The following PREX1 variants were observed in gnomAD, a reference collection of about 807,000 sequenced individuals.
PREX1 encodes phosphatidylinositol 3,4,5-trisphosphate-dependent Rac exchanger 1 protein.
Under a neutral mutation model 198.3 loss-of-function variants are expected in PREX1, and 41 were observed. The ratio of observed to expected loss-of-function variants is 0.21; its 90% CI spans 0.16 to 0.27. The LOEUF (loss-of-function observed/expected upper bound fraction) is 0.27. Ranked by LOEUF, PREX1 falls within the 10% of genes least tolerant of loss-of-function variation. The pLI is 1.00. For missense variants in PREX1, 1,620 were observed against 2,200.7 expected (o/e 0.74, Z 5.28); for synonymous variants, 843 against 887.2 (o/e 0.95, Z 0.89).
intron 17 of PREX1, among the ~76,000 whole-genome samples, chr20:48,657,488 T>C (rs535895310): frequency 1.3e-5 from 2 of 152,336 alleles, no homozygotes; most frequent in South Asian, 4.1e-4. Flanking sequence ...GGGGTGGCCA[T>C]CTTATGTCTG....
At chr20:48,869,319 G>A in the PREX1 span, among the ~76,000 whole-genome samples, 7 of 140,666 alleles carry the variant, frequency 5.0e-5, no homozygotes, top group Non-Finnish European at 7.6e-5. Context: ...TTTTTTTTTA[G>A]ACGGGGTCTC....
the PREX1 span, among the ~76,000 whole-genome samples, chr20:48,882,590 T>C: frequency 1.3e-5 from 2 of 149,860 alleles, no homozygotes; most frequent in African/African-American, 4.9e-5. Flanking sequence ...CTCTGGGGTA[T>C]ATATACCTAG....
At chr20:48,639,997 ATCC>A in intron 29 of PREX1, 103 bp from the exon 30 acceptor site, 2 of 1,434,042 alleles carry the variant, frequency 1.4e-6, no homozygotes, top group Non-Finnish European at 1.9e-6. Flanking sequence ...AGAGCTCATA[ATCC>A]TAGATCAAGG....
chr20:48,735,219 G>A (rs898667898), intron 3 of PREX1, among the ~76,000 whole-genome samples: 2 of 152,180 alleles, frequency 1.3e-5, no homozygotes, highest in African/African-American at 4.8e-5. Flanking sequence ...CTTGGTTCCA[G>A]ATGGTTCACA....
chr20:48,750,842 G>C (rs2090131078), intron 1 of PREX1, among the ~76,000 whole-genome samples: 1 of 152,212 alleles, frequency 6.6e-6, no homozygotes, highest in Non-Finnish European at 1.5e-5. Context: ...TCCAACATCA[G>C]AGGCCAGGTT....
At chr20:48,670,575 G>C (rs1004595432) in intron 14 of PREX1, among the ~76,000 whole-genome samples, 3 of 152,204 alleles carry the variant, frequency 2.0e-5, no homozygotes, top group African/African-American at 7.2e-5. Context: ...GAGGTGAAGA[G>C]AGCAAACTCC....
chr20:48,810,622 C>A (rs1249728282), intron 1 of PREX1, among the ~76,000 whole-genome samples: 2 of 145,962 alleles, frequency 1.4e-5, no homozygotes, highest in Non-Finnish European at 3.0e-5. Flanking sequence ...CACGGTGGCT[C>A]ACTCTTGTAA....
chr20:48,826,903 T>C (rs914728619), intron 1 of PREX1, among the ~76,000 whole-genome samples: 6 of 152,218 alleles, frequency 3.9e-5, no homozygotes, highest in Non-Finnish European at 8.8e-5. Flanking sequence ...TACTCGTCCC[T>C]ACTTCATAGA....
rs73911639 is a variant in PREX1 at position 48,700,449 on chromosome 20, T to A, written c.917+304A>T. Among the ~76,000 whole-genome samples the A allele has an allele frequency of 2.0e-3, 299 of 152,364 alleles. 1 individual carries two copies. The highest frequency in any genetic ancestry group is 6.4e-3 in the African/African-American group (265 of 41,594). ...CAAAATATCTCTTTAATAATTTTTT[T>A]AAATAATAATTACATGTATAATTAT... On this transcript the variant is annotated intron_variant, in intron 7 of 39. Coordinates refer to ENST00000371941, the MANE Select transcript of PREX1 (RefSeq NM_020820.4).
At chr20:48,715,071 C>T (rs1003700236) in intron 5 of PREX1, among the ~76,000 whole-genome samples, 2 of 152,190 alleles carry the variant, frequency 1.3e-5, no homozygotes, top group Non-Finnish European at 2.9e-5. Context: ...TCAAAGGAGA[C>T]ATACTATGGT....
the PREX1 span, among the ~76,000 whole-genome samples, chr20:48,859,285 A>G: frequency 3.9e-5 from 6 of 152,232 alleles, no homozygotes; most frequent in African/African-American, 1.4e-4. Context: ...ATTCCTGTGA[A>G]TTTTAACAGG....
chr20:48,776,350 C>T (rs984782985), intron 1 of PREX1, among the ~76,000 whole-genome samples: 1 of 152,336 alleles, frequency 6.6e-6, no homozygotes, highest in East Asian at 1.9e-4. Context: ...CCCCGCCCCC[C>T]TCAGACAGCC....
At chr20:48,664,590 C>A (rs1002267498) in intron 15 of PREX1, among the ~76,000 whole-genome samples, 1 of 152,142 alleles carries the variant, frequency 6.6e-6, no homozygotes, top group Admixed American at 6.5e-5. Context: ...GAAAATGGCA[C>A]CTTGGCGGGG....
At chr20:48,818,512 C>G (rs949115476) in intron 1 of PREX1, among the ~76,000 whole-genome samples, 1 of 152,190 alleles carries the variant, frequency 6.6e-6, no homozygotes, top group Non-Finnish European at 1.5e-5. Flanking sequence ...GTAAGGAGAA[C>G]AGAATGCGGG....
rs774357960 is a variant in PREX1, at chr20:48,745,012, G to T, written c.414+13C>A. 1.2e-6 allele frequency: 2 copies of T among 1,613,512 alleles called. No individual in the cohort carries two copies. Among genetic ancestry groups the T allele is most frequent in the Non-Finnish European group, 1.7e-6 (2 of 1,179,532 alleles). ...AAACTAGAGTCCACCAGGGGCAGTGGCATGGTACTCACGAATTTTAAGAAA... is the reference window on the plus strand; with the variant it reads ...AAACTAGAGTCCACCAGGGGCAGTGTCATGGTACTCACGAATTTTAAGAAA... On this transcript the variant is annotated intron_variant, in intron 3 of 39. Transcript: ENST00000371941.
rs1024320477 is a variant in PREX1 at position 48,649,454 on chromosome 20, C to G, written c.3151G>C (p.Gly1051Arg). 1 of 1,614,032 alleles carries G rather than the reference C, an allele frequency of 6.2e-7. No individual in the cohort carries two copies. The highest frequency in any genetic ancestry group is 8.5e-7 in the Non-Finnish European group (1 of 1,180,036). Residue 1051 changes from glycine to arginine, a missense_variant, in exon 25 of 40, where the codon GGG (glycine) becomes CGG (arginine). By Grantham distance (125) the Gly-to-Arg change is moderately radical. Transcript: ENST00000371941. ...TGACCAAGGGTCCCACTGGCTGGCCCGAAGCTGCCATCATGGAGACCCTGG... is the reference window on the plus strand; with the variant it reads ...TGACCAAGGGTCCCACTGGCTGGCCGGAAGCTGCCATCATGGAGACCCTGG... ...QGQGLHDGSF[G>R]PASGTLGQED...
intron 5 of PREX1, 108 bp from the exon 6 acceptor site, chr20:48,708,529 G>T: frequency 8.3e-7 from 1 of 1,206,896 alleles, no homozygotes; most frequent in Non-Finnish European, 1.2e-6. Context: ...CTCGCCTGGT[G>T]GACATTACAT....
intron 6 of PREX1, among the ~76,000 whole-genome samples, chr20:48,703,288 C>T (rs76970036): frequency 3.9e-5 from 6 of 152,212 alleles, no homozygotes; most frequent in African/African-American, 7.2e-5. Context: ...TCCTTGTGGT[C>T]GAGAGCTGTG....
chr20:48,882,076 G>T, the PREX1 span, among the ~76,000 whole-genome samples: 2 of 152,240 alleles, frequency 1.3e-5, no homozygotes, highest in Non-Finnish European at 2.9e-5. Flanking sequence ...GCTACAGCAT[G>T]TATCAGTTCT....
Sources: allele counts gnomAD v4.1 joint callset (sites outside exome capture counted in the v4.1 genomes callset), GRCh38; gene constraint gnomAD v4.1.1; transcripts MANE v1.5; gene names NCBI Gene and HGNC (gene_info 2026-07-23, HGNC 2026-07-21).